APBB2: variants seen among roughly 807,000 people sequenced by gnomAD.
The protein encoded by APBB2 is amyloid beta precursor protein binding family B member 2, also known as Fe65-like 1.
APBB2 carries 38 observed loss-of-function variants against 82.5 expected under a neutral mutation model. That is an observed-to-expected ratio of 0.46 (90% confidence interval 0.36 to 0.60). APBB2 has a LOEUF of 0.60. Ranked by LOEUF, APBB2 falls within the 20% of genes least tolerant of loss-of-function variation. The probability of loss-of-function intolerance (pLI) is 0.00; values close to 1 mark genes in which losing one functional copy is unlikely to be tolerated. For missense variants in APBB2, 772 were observed against 972.3 expected (o/e 0.79, Z 2.74); for synonymous variants, 341 against 368.2 (o/e 0.93, Z 0.85).
intron 17 of APBB2, 128 bp downstream of exon 17, chr4:40,821,743 T>C (rs1748013357): frequency 9.3e-7 from 1 of 1,078,802 alleles, no homozygotes; most frequent in Non-Finnish European, 1.3e-6. Context: ...ATGACGGCGT[T>C]ATAAAGTAAA....
chr4:41,212,427 A>G (rs1253437298), intron 1 of APBB2, among the ~76,000 whole-genome samples: 1 of 151,950 alleles, frequency 6.6e-6, no homozygotes, highest in East Asian at 1.9e-4. Context: ...ACAGCCTCAA[A>G]CTCCTAGGCT....
rs773123899 is a variant in APBB2 at position 40,830,464 on chromosome 4, T to C, written c.1643A>G (p.Lys548Arg). The C allele has an allele frequency of 3.1e-6, 5 of 1,611,852 alleles. No individual in the cohort carries two copies. In the Middle Eastern group the frequency reaches 6.6e-4, roughly 213 times the overall value. ...CCATACTGCCCTGACCCACCTTACC[T>C]TGGAGCAGATCTCGTGGAGACTTGT... ...IATSLHEICS[K>R]IMAERKNAKA... is the part of the protein sequence containing the mutation. The change falls in exon 13 of 18, where the codon AAG becomes AGG. Residue 548 changes from lysine (K) to arginine (R), a missense_variant and splice_region_variant. Lys to Arg is a conservative substitution (Grantham distance 26, BLOSUM62 2). Coordinates refer to ENST00000508593, the MANE Select transcript of APBB2 (RefSeq NM_004307.2).
intron 5 of APBB2, among the ~76,000 whole-genome samples, chr4:41,019,320 T>A (rs1023205112): frequency 1.2e-4 from 19 of 152,010 alleles, no homozygotes; most frequent in Non-Finnish European, 7.4e-5. Flanking sequence ...ATCCACGTGA[T>A]GAGAGAAGAG....
chr4:41,023,890 AG>A (rs1712815440), intron 5 of APBB2, among the ~76,000 whole-genome samples: 1 of 152,224 alleles, frequency 6.6e-6, no homozygotes, highest in South Asian at 2.1e-4. Context: ...CCAAGCAAAA[AG>A]AACAAAGCTG....
intron 2 of APBB2, among the ~76,000 whole-genome samples, chr4:41,107,548 C>G (rs1448406084): frequency 6.6e-6 from 1 of 152,124 alleles, no homozygotes; most frequent in Non-Finnish European, 1.5e-5. Flanking sequence ...TGTTGTAGGA[C>G]AGAACACTCA....
intron 6 of APBB2, among the ~76,000 whole-genome samples, chr4:40,994,720 A>G (rs1190589311): frequency 1.3e-5 from 2 of 151,050 alleles, no homozygotes; most frequent in Non-Finnish European, 2.9e-5. Context: ...AAGCTGAGGG[A>G]GGAGAATCGC....
intron 4 of APBB2, among the ~76,000 whole-genome samples, chr4:41,039,835 C>A (rs1422179697): frequency 6.9e-4 from 96 of 139,020 alleles, no homozygotes; most frequent in Middle Eastern, 7.7e-3. Flanking sequence ...GACCTTGTCT[C>A]AAAAAAAAAA....
chr4:40,890,061 G>C (rs1167443585), intron 12 of APBB2, among the ~76,000 whole-genome samples: 1 of 152,152 alleles, frequency 6.6e-6, no homozygotes, highest in African/African-American at 2.4e-5. Context: ...GGAAAAAGGG[G>C]TTCAGATGGC....
intron 10 of APBB2, among the ~76,000 whole-genome samples, chr4:40,898,454 G>A (rs1164368827): frequency 2.0e-5 from 3 of 151,992 alleles, no homozygotes; most frequent in Non-Finnish European, 2.9e-5. Flanking sequence ...TAGTAGAGAC[G>A]GGGTTTCACC....
intron 16 of APBB2, among the ~76,000 whole-genome samples, chr4:40,823,318 G>C (rs545157961): frequency 6.6e-6 from 1 of 152,276 alleles, no homozygotes; most frequent in East Asian, 1.9e-4. Flanking sequence ...TTCATCCCCA[G>C]ATCACACAGC....
chr4:40,816,138 A>C lies in APBB2; in HGVS notation c.2234T>G (p.Leu745Arg). 1 of 1,614,130 alleles carries C rather than the reference A, an allele frequency of 6.2e-7. No homozygotes were observed. Among genetic ancestry groups the C allele is most frequent in the Non-Finnish European group, 8.5e-7 (1 of 1,180,022 alleles). The change falls in exon 18 of 18, where the codon CTC becomes CGC. Residue 745 changes from leucine to arginine, a missense_variant. Transcript: ENST00000508593. ...TTNVKRGVLSLIDTLKQKRPV... is the reference protein window; with the variant it reads ...TTNVKRGVLSRIDTLKQKRPV... ...GCGTTTCTGTTTCAAAGTGTCAATG[A>C]GGGATAAGACCCCTCGTTTTACATT...
At chr4:40,895,927 C>G (rs1333829067) in intron 10 of APBB2, among the ~76,000 whole-genome samples, 3 of 152,346 alleles carry the variant, frequency 2.0e-5, no homozygotes, top group Non-Finnish European at 4.4e-5. Context: ...ATCCAGGATT[C>G]AAACCTGGGC....
intron 6 of APBB2, among the ~76,000 whole-genome samples, chr4:41,001,954 C>T (rs918215087): frequency 6.6e-6 from 1 of 151,980 alleles, no homozygotes; most frequent in Admixed American, 6.6e-5. Context: ...TCTTAGGTAC[C>T]AACACCAATG....
At chr4:41,084,968 C>T (rs933580892) in intron 3 of APBB2, among the ~76,000 whole-genome samples, 17 of 151,960 alleles carry the variant, frequency 1.1e-4, no homozygotes, top group South Asian at 2.1e-4. Flanking sequence ...CTGAGACTGC[C>T]GGCCACGCAC....
intron 4 of APBB2, among the ~76,000 whole-genome samples, chr4:41,052,326 T>A (rs1726292243): frequency 6.6e-6 from 1 of 152,122 alleles, no homozygotes; most frequent in African/African-American, 2.4e-5. Context: ...CCCCAACTTG[T>A]CCCTAATCTG....
intron 6 of APBB2, among the ~76,000 whole-genome samples, chr4:41,006,860 T>C (rs1031781435): frequency 6.6e-6 from 1 of 151,948 alleles, no homozygotes; most frequent in African/African-American, 2.4e-5. Flanking sequence ...TTAGAAGAGG[T>C]TTCTAAAAGT....
intron 10 of APBB2, among the ~76,000 whole-genome samples, chr4:40,927,593 C>T (rs1782944072): frequency 6.6e-6 from 1 of 152,076 alleles, no homozygotes; most frequent in African/African-American, 2.4e-5. Context: ...GTGATCTTCC[C>T]ACCTCAGCCT....
chr4:41,186,977 T>C (rs1259460261), intron 1 of APBB2, among the ~76,000 whole-genome samples: 1 of 152,234 alleles, frequency 6.6e-6, no homozygotes, highest in South Asian at 2.1e-4. Flanking sequence ...AACTTAATTT[T>C]ATCACTAAAA....
chr4:41,164,595 T>C (rs1485211901), intron 1 of APBB2, among the ~76,000 whole-genome samples: 1 of 152,148 alleles, frequency 6.6e-6, no homozygotes, highest in African/African-American at 2.4e-5. Context: ...CTTTCTGTGA[T>C]AAGTCCCTTT....
Sources: allele counts gnomAD v4.1 joint callset (sites outside exome capture counted in the v4.1 genomes callset), GRCh38; gene constraint gnomAD v4.1.1; transcripts MANE v1.5; gene names NCBI Gene and HGNC (gene_info 2026-07-23, HGNC 2026-07-21).